Variants in FBN3 observed in about 807,000 individuals in gnomAD.
FBN3 encodes the protein fibrillin 3.
FBN3 carries 234 observed loss-of-function variants against 330.1 expected under a neutral mutation model. The observed-to-expected ratio is 0.71, with a 90% CI of 0.64 to 0.79. The LOEUF (loss-of-function observed/expected upper bound fraction) is 0.79, where lower values mean the gene tolerates loss of function less well. FBN3 is among the 30% of genes least tolerant of loss of function. FBN3 has a pLI of 0.00. For synonymous variants in FBN3, 1,458 were observed against 1,517.3 expected, an observed-to-expected ratio of 0.96 and a Z score of 0.91; for missense variants, 3,606 against 3,886.9, an observed-to-expected ratio of 0.93 and a Z score of 1.92.
chr19:8,095,414 C>A lies in FBN3; in HGVS notation c.5746G>T (p.Asp1916Tyr), dbSNP rs753915839. ...CCATCAGCTGTGAGCTCAAAGCCAT[C>A]CTGGCAGAGGCAGTGGAAGGAACCA... ...TAGSFHCLCQ[D>Y]GFELTADGKN... The change falls in exon 46 of 64, where the codon GAT (aspartate) becomes TAT (tyrosine). Residue 1916 changes from aspartate to tyrosine, a missense_variant. Physicochemically the swap from Asp to Tyr is radical, Grantham distance 160 (BLOSUM62 -3). Transcript: ENST00000600128. 1 of 1,613,712 alleles carries A rather than the reference C, an allele frequency of 6.2e-7. No individual in the cohort carries two copies. The highest frequency in any genetic ancestry group is 2.2e-5 in the East Asian group (1 of 44,854).
intron 24 of FBN3, among the ~76,000 whole-genome samples, chr19:8,122,661 C>A (rs966222201): frequency 2.7e-5 from 4 of 150,560 alleles, no homozygotes; most frequent in Non-Finnish European, 5.9e-5. Flanking sequence ...TCCATCGCAC[C>A]TGGCCCAGCG....
rs1299112444 is a variant in FBN3, at chr19:8,126,793, A to C, written c.2336T>G (p.Val779Gly). The C allele has an allele frequency of 6.3e-7, 1 of 1,587,490 alleles. No individual in the cohort carries two copies. The highest frequency in any genetic ancestry group is 1.9e-5 in the Admixed American group (1 of 53,904). ...GTAGGAGCCGGCCAGGTTCCGACAGACGCCACTCACACACGGGCTGGACAG... is the reference window on the plus strand; with the variant it reads ...GTAGGAGCCGGCCAGGTTCCGACAGCCGCCACTCACACACGGGCTGGACAG... The part of the protein sequence containing the change: ...ECLSSPCVSG[V>G]CRNLAGSYTC... The change falls in exon 19 of 64, where the codon GTC becomes GGC. Residue 779 changes from valine (V) to glycine (G), a missense_variant. Physicochemically the swap from Val to Gly is moderately radical, Grantham distance 109 (BLOSUM62 -3). Coordinates refer to ENST00000600128, the MANE Select transcript of FBN3 (RefSeq NM_032447.5).
intron 30 of FBN3, 102 bp from the exon 31 acceptor site, chr19:8,112,201 C>A: frequency 7.7e-7 from 1 of 1,306,286 alleles, no homozygotes; most frequent in East Asian, 2.5e-5. Context: ...TAGGGGAGAG[C>A]TGGCCCAGAA....
At chr19:8,072,720 G>GCGCACA (rs138829439) in intron 62 of FBN3, among the ~76,000 whole-genome samples, 10 of 149,580 alleles carry the variant, frequency 6.7e-5, no homozygotes, top group Middle Eastern at 3.5e-3. Context: ...ATGCGCGCGT[G>GCGCACA]CACACACACA....
intron 8 of FBN3, among the ~76,000 whole-genome samples, chr19:8,139,638 G>A (rs773130625): frequency 6.6e-6 from 1 of 151,886 alleles, no homozygotes; most frequent in East Asian, 1.9e-4. Flanking sequence ...GAGTCGAGGG[G>A]TGGATTGACG....
At position 8,089,630 on chromosome 19, in the gene FBN3, G is replaced by C. The variant is rs149893915; in HGVS notation, c.6291C>G (p.Asn2097Lys). ...ECAENPGVCT[N>K]GVCVNTDGSF... ...ATCCATCGGTGTTGACACAGACGCC[G>C]TTAGTGCAGACGCCAGGGTTCTCTG... Residue 2097 changes from asparagine to lysine, a missense_variant, in exon 51 of 64, where the codon AAC becomes AAG. Physicochemically the swap from Asn to Lys is moderately conservative, Grantham distance 94 (BLOSUM62 0). Transcript: ENST00000600128. The C allele has an allele frequency of 1.2e-6, 2 of 1,614,072 alleles. No individual in the cohort carries two copies. The highest frequency in any genetic ancestry group is 2.7e-5 in the African/African-American group (2 of 74,936).
chr19:8,097,378 G>T lies in FBN3; in HGVS notation c.5198C>A (p.Ala1733Asp), dbSNP rs1213896923. ...DECGEIPAIC[A>D]NGICINQIGS... ...GATCTGGTTTATGCAGATGCCATTG[G>T]CACAGATGGCGGGGATCTCCCCACA... is the stretch of plus-strand genomic sequence containing the variant. Residue 1733 changes from alanine (A) to aspartate (D), a missense_variant, in exon 42 of 64, where the codon GCC (alanine) becomes GAC (aspartate). By Grantham distance (126) the Ala-to-Asp change is moderately radical. Transcript: ENST00000600128. The T allele has an allele frequency of 6.2e-7, 1 of 1,605,348 alleles. No homozygotes were observed. Among genetic ancestry groups the T allele is most frequent in the East Asian group, 2.2e-5 (1 of 44,594 alleles).
At chr19:8,117,115 C>A in intron 28 of FBN3, 54 bp downstream of exon 28, 1 of 1,606,196 alleles carries the variant, frequency 6.2e-7, no homozygotes, top group South Asian at 1.1e-5. Context: ...ACCCAGCCAA[C>A]ACCTCCTCCT....
intron 41 of FBN3, among the ~76,000 whole-genome samples, 183 bp downstream of exon 41, chr19:8,100,717 CT>C (rs1439622770): frequency 1.3e-5 from 2 of 151,666 alleles, no homozygotes; most frequent in Non-Finnish European, 2.9e-5. Flanking sequence ...TAGTGTCATT[CT>C]TTTTTTAAAA....
rs2145314564 is a variant in FBN3 at position 8,065,409 on chromosome 19, A to G, written c.*510T>C. On this transcript the variant is annotated 3_prime_UTR_variant, in exon 64 of 64. Transcript: ENST00000600128. ...GCCAAAGGGCAGGCAGACTTAACCCAAAATAACTTTATTATCGTCTCCACT... is the reference window on the plus strand; with the variant it reads ...GCCAAAGGGCAGGCAGACTTAACCCGAAATAACTTTATTATCGTCTCCACT... The G allele has an allele frequency of 6.5e-6, 1 of 153,458 alleles. No homozygotes were observed. The allele number at this position is 153,458 out of a possible 1,614,324, so 9.5% of individuals were successfully genotyped here. A position where few individuals can be genotyped will look rare whatever the true frequency, so the allele number is the denominator to read the frequency against.
In FBN3 at chr19:8,136,375, G is replaced by A. The variant is rs1174933801; in HGVS notation, c.1345+13C>T. On this transcript the variant is annotated intron_variant, in intron 11 of 63. Transcript: ENST00000600128. ...GTGAGAACCGCCCCCCCTTCCACCT[G>A]GCCGCGGCTCACCAATGCACTCGCC... The A allele has an allele frequency of 6.2e-7, 1 of 1,611,348 alleles. No homozygotes were observed. The highest frequency in any genetic ancestry group is 8.5e-7 in the Non-Finnish European group (1 of 1,178,038).
At chr19:8,144,781 T>C (rs1018066364) in intron 6 of FBN3, 96 bp downstream of exon 6, 1 of 957,418 alleles carries the variant, frequency 1.0e-6, no homozygotes, top group Non-Finnish European at 1.6e-6. Flanking sequence ...GCCAGCTGGT[T>C]CCTTTCAAGG....
chr19:8,093,450 C>T (rs960752705), intron 47 of FBN3, among the ~76,000 whole-genome samples: 5 of 151,966 alleles, frequency 3.3e-5, no homozygotes, highest in South Asian at 2.1e-4. Flanking sequence ...GGTGAAACCC[C>T]GTCTCTACTA....
Position 8,116,696 on chromosome 19 carries a change from C to A in FBN3, c.3690G>T (p.Thr1230=). ...RCLCYDGFMA[T]PDMRTCVDVD... ...CACCAACACATGTCCTCATGTCTGGCGTGGCCATGAAGCCATCATAGCACA... is the reference window on the plus strand; with the variant it reads ...CACCAACACATGTCCTCATGTCTGGAGTGGCCATGAAGCCATCATAGCACA... The change falls in exon 29 of 64, where the codon ACG becomes ACT. Residue 1230 remains threonine, a synonymous_variant. Coordinates refer to ENST00000600128, the MANE Select transcript of FBN3 (RefSeq NM_032447.5). 6.2e-7 allele frequency: 1 copy of A among 1,613,960 alleles called. No individual in the cohort carries two copies. Among genetic ancestry groups the A allele is most frequent in the South Asian group, 1.1e-5 (1 of 91,066 alleles).
intron 51 of FBN3, among the ~76,000 whole-genome samples, chr19:8,088,556 T>A (rs9676439): frequency 0.12 from 18,496 of 151,768 alleles, 1,209 homozygotes; most frequent in African/African-American, 0.16. Context: ...TATAAATGAG[T>A]AAGTGAATGA....
chr19:8,102,042 G>A (rs1371927881), intron 40 of FBN3, among the ~76,000 whole-genome samples: 1 of 152,062 alleles, frequency 6.6e-6, no homozygotes, highest in Non-Finnish European at 1.5e-5. Context: ...TCGTGATAGT[G>A]AATAAATCTC....
chr19:8,117,111 C>T, intron 28 of FBN3, 58 bp downstream of exon 28: 1 of 1,603,638 alleles, frequency 6.2e-7, no homozygotes, highest in Non-Finnish European at 8.5e-7. Flanking sequence ...CAGGACCCAG[C>T]CAACACCTCC....
intron 13 of FBN3, 25 bp downstream of exon 13, chr19:8,135,936 G>GGGGGGGGGGGGGGGGCGCC: frequency 1.2e-5 from 8 of 668,778 alleles, no homozygotes; most frequent in Non-Finnish European, 1.9e-5. Context: ...GGAAGCCCCT[G>GGGGGGGGGGGGGGGGCGCC]CCCACCCGCC....
intron 16 of FBN3, among the ~76,000 whole-genome samples, chr19:8,130,874 G>A (rs2083130581): frequency 6.6e-6 from 1 of 151,262 alleles, no homozygotes; most frequent in African/African-American, 2.4e-5. Context: ...GGTGGGGGGA[G>A]TTTTGGACAC....
Sources: gnomAD v4.1 joint callset for allele counts (sites outside exome capture counted in the v4.1 genomes callset) on GRCh38, gnomAD v4.1.1 for gene constraint, MANE v1.5 for transcripts, NCBI Gene and HGNC (gene_info 2026-07-23, HGNC 2026-07-21) for gene names.